The following SMYD3 variants were observed in gnomAD, a reference collection of about 807,000 sequenced individuals.
SMYD3 encodes SET and MYND domain containing 3.
A neutral mutation model predicts 57.7 loss-of-function variants in SMYD3; 36 were observed. The observed-to-expected ratio is 0.62, with a 90% CI of 0.48 to 0.82. SMYD3 has a LOEUF of 0.82. Among genes scored for constraint, SMYD3 ranks in the 40% least tolerant of loss-of-function variants. The pLI is 0.00. For missense variants in SMYD3, 515 were observed against 538.8 expected (o/e 0.96, Z 0.44); for synonymous variants, 211 against 195.0 (o/e 1.08, Z -0.68).
chr1:246,029,856 A>C (rs1351127222), intron 5 of SMYD3, among the ~76,000 whole-genome samples: 1 of 152,012 alleles, frequency 6.6e-6, no homozygotes, highest in Non-Finnish European at 1.5e-5. Context: ...TGCTGGTGAA[A>C]ATGCAGAGAA....
chr1:246,215,622 C>T (rs1239097961), intron 5 of SMYD3, among the ~76,000 whole-genome samples: 5 of 152,164 alleles, frequency 3.3e-5, no homozygotes, highest in African/African-American at 1.2e-4. Flanking sequence ...CTTTGGATCA[C>T]TCTCAGTGGC....
At chr1:246,370,129 C>G (rs1478920699) in intron 1 of SMYD3, among the ~76,000 whole-genome samples, 1 of 152,144 alleles carries the variant, frequency 6.6e-6, no homozygotes, top group Non-Finnish European at 1.5e-5. Context: ...GGAGCCTGTG[C>G]CATCTGATAA....
intron 10 of SMYD3, among the ~76,000 whole-genome samples, chr1:245,841,594 T>C (rs1044347367): frequency 2.6e-5 from 4 of 152,172 alleles, no homozygotes; most frequent in African/African-American, 4.8e-5. Context: ...GGTTAAACTA[T>C]TTACAAATTG....
At chr1:246,128,156 ATGT>A (rs1355779245) in intron 5 of SMYD3, among the ~76,000 whole-genome samples, 2 of 152,160 alleles carry the variant, frequency 1.3e-5, no homozygotes, top group African/African-American at 2.4e-5. Flanking sequence ...CACTGTTGAA[ATGT>A]TGTCTTCTCC....
intron 5 of SMYD3, among the ~76,000 whole-genome samples, chr1:246,114,851 C>CA (rs1455597031): frequency 6.6e-6 from 1 of 151,904 alleles, no homozygotes; most frequent in Admixed American, 6.6e-5. Context: ...AGGCTGGTCT[C>CA]GATCTCTTGA....
At chr1:245,961,190 T>A (rs2057996607) in intron 5 of SMYD3, among the ~76,000 whole-genome samples, 1 of 152,180 alleles carries the variant, frequency 6.6e-6, no homozygotes, top group Non-Finnish European at 1.5e-5. Flanking sequence ...CACTTCTCTG[T>A]ACCCATCAGC....
At chr1:245,987,787 A>ACCC (rs901482103) in intron 5 of SMYD3, among the ~76,000 whole-genome samples, 5 of 152,178 alleles carry the variant, frequency 3.3e-5, no homozygotes, top group African/African-American at 1.2e-4. Flanking sequence ...CTCATGGGTG[A>ACCC]CCCCAGTCTT....
chr1:245,942,298 T>C lies in SMYD3; in HGVS notation c.532-12361A>G, dbSNP rs185552951. 2.2e-3 allele frequency among the ~76,000 whole-genome samples: 338 copies of C among 151,470 alleles called. 2 individuals carry two copies. The highest frequency in any genetic ancestry group is 7.8e-3 in the African/African-American group (320 of 41,222). The stretch of plus-strand genomic sequence containing the variant: ...GATACAGGAAAATTTACCAAGCAAA[T>C]GGAAAGCAGAAAAAAAGCAGGCATT... On this transcript the variant is annotated intron_variant, in intron 5 of 11. Coordinates refer to ENST00000490107, the MANE Select transcript of SMYD3 (RefSeq NM_001167740.2).
intron 5 of SMYD3, among the ~76,000 whole-genome samples, chr1:246,131,017 A>G (rs12068823): frequency 0.012 from 1,805 of 152,140 alleles, 35 homozygotes; most frequent in African/African-American, 0.041. Context: ...GAAGCAGATA[A>G]AGTCCTTTCC....
chr1:245,789,985 C>T (rs2047200818), intron 10 of SMYD3, among the ~76,000 whole-genome samples: 1 of 152,154 alleles, frequency 6.6e-6, no homozygotes, highest in South Asian at 2.1e-4. Flanking sequence ...CATTATGGGC[C>T]AGACACTACA....
chr1:246,362,840 G>T (rs2066019717), intron 1 of SMYD3, among the ~76,000 whole-genome samples: 1 of 152,166 alleles, frequency 6.6e-6, no homozygotes, highest in Non-Finnish European at 1.5e-5. Flanking sequence ...CGCCTGCCTT[G>T]GCCTCCCAAA....
chr1:246,384,867 C>T (rs969451724), intron 1 of SMYD3, among the ~76,000 whole-genome samples: 1 of 152,134 alleles, frequency 6.6e-6, no homozygotes, highest in Non-Finnish European at 1.5e-5. Context: ...TGTCAAAAGA[C>T]ATTATTTGTA....
intron 11 of SMYD3, among the ~76,000 whole-genome samples, chr1:245,754,905 C>T (rs115438267): frequency 0.04 from 6,098 of 152,208 alleles, 162 homozygotes; most frequent in Non-Finnish European, 0.059. Flanking sequence ...AGTGCTGGGG[C>T]GCCCAGAGGA....
At chr1:246,229,677 G>A (rs2063382083) in intron 5 of SMYD3, among the ~76,000 whole-genome samples, 1 of 152,142 alleles carries the variant, frequency 6.6e-6, no homozygotes, top group South Asian at 2.1e-4. Flanking sequence ...AGAAGGCAAG[G>A]GGCGAGATAC....
chr1:246,105,949 C>A (rs377498152), intron 5 of SMYD3, among the ~76,000 whole-genome samples: 2 of 152,310 alleles, frequency 1.3e-5, no homozygotes, highest in East Asian at 3.9e-4. Context: ...GCCTCATGAG[C>A]CCTGCAGCTG....
At chr1:246,167,055 G>T (rs1422536023) in intron 5 of SMYD3, among the ~76,000 whole-genome samples, 2 of 152,124 alleles carry the variant, frequency 1.3e-5, no homozygotes, top group Non-Finnish European at 2.9e-5. Context: ...TCTTGTGTCT[G>T]GCTCCCTTCA....
At chr1:246,076,906 T>C (rs1366471303) in intron 5 of SMYD3, among the ~76,000 whole-genome samples, 1 of 152,158 alleles carries the variant, frequency 6.6e-6, no homozygotes, top group Non-Finnish European at 1.5e-5. Context: ...ATAGGATATA[T>C]ATACATAATA....
chr1:246,437,764 T>C (rs2067401989), intron 1 of SMYD3, among the ~76,000 whole-genome samples: 1 of 152,238 alleles, frequency 6.6e-6, no homozygotes, highest in Admixed American at 6.5e-5. Flanking sequence ...TTGATCACTG[T>C]CATTTTTTCC....
intron 8 of SMYD3, among the ~76,000 whole-genome samples, chr1:245,914,121 CAAT>C (rs1336530843): frequency 6.6e-6 from 1 of 152,154 alleles, no homozygotes; most frequent in Admixed American, 6.5e-5. Context: ...AAGGCCTCTA[CAAT>C]GAGGCCACTG....
Sources: gnomAD v4.1 joint callset for allele counts (sites outside exome capture counted in the v4.1 genomes callset) on GRCh38, gnomAD v4.1.1 for gene constraint, MANE v1.5 for transcripts, NCBI Gene and HGNC (gene_info 2026-07-23, HGNC 2026-07-21) for gene names.